The following PPP4R3B variants were observed in gnomAD, a reference collection of about 807,000 sequenced individuals.
PPP4R3B encodes the protein protein phosphatase 4 regulatory subunit 3B, also known as serine/threonine-protein phosphatase 4 regulatory subunit 3B.
PPP4R3B carries 52 observed loss-of-function variants against 95.4 expected under a neutral mutation model. The observed-to-expected ratio is 0.54, with a 90% CI of 0.44 to 0.69. The LOEUF (loss-of-function observed/expected upper bound fraction) is 0.69. Ranked by LOEUF, PPP4R3B falls within the 30% of genes least tolerant of loss-of-function variation. PPP4R3B has a pLI of 0.00. For synonymous variants in PPP4R3B, 407 were observed against 343.9 expected (o/e 1.18, Z -2.03); for missense variants, 1,003 against 1,005.9 (o/e 1.00, Z 0.04).
intron 3 of PPP4R3B, among the ~76,000 whole-genome samples, chr2:55,601,282 C>T (rs1427794980): frequency 6.6e-6 from 1 of 152,094 alleles, no homozygotes; most frequent in East Asian, 1.9e-4. Context: ...CTCTTAAAAC[C>T]TGACAAGGTC....
intron 4 of PPP4R3B, among the ~76,000 whole-genome samples, chr2:55,596,245 C>T (rs901332745): frequency 6.6e-6 from 1 of 152,094 alleles, no homozygotes; most frequent in Non-Finnish European, 1.5e-5. Flanking sequence ...CGAAGCAAAT[C>T]TGACTTTCAA....
intron 16 of PPP4R3B, among the ~76,000 whole-genome samples, chr2:55,553,568 C>T (rs576556573): frequency 1.5e-4 from 23 of 152,242 alleles, no homozygotes; most frequent in Admixed American, 1.2e-3. Flanking sequence ...ACCATTTCAC[C>T]CACCAAAAAA....
intron 4 of PPP4R3B, among the ~76,000 whole-genome samples, chr2:55,595,600 TA>T (rs2104412949): frequency 6.6e-6 from 1 of 152,160 alleles, no homozygotes; most frequent in East Asian, 1.9e-4. Flanking sequence ...ATCCAAAATT[TA>T]AACTTTTATA....
chr2:55,612,945 CAAA>C (rs558897062), intron 2 of PPP4R3B, among the ~76,000 whole-genome samples: 3 of 121,056 alleles, frequency 2.5e-5, no homozygotes, highest in African/African-American at 3.2e-5. Context: ...GACTCCATCT[CAAA>C]AAAAAAAAAA....
intron 15 of PPP4R3B, among the ~76,000 whole-genome samples, chr2:55,562,546 G>A (rs138458041): frequency 6.6e-6 from 1 of 152,144 alleles, no homozygotes; most frequent in Non-Finnish European, 1.5e-5. Flanking sequence ...TAAGGTTCTC[G>A]AAGCCTTTCA....
chr2:55,576,499 T>G (rs190030595), intron 11 of PPP4R3B, among the ~76,000 whole-genome samples: 1 of 151,658 alleles, frequency 6.6e-6, no homozygotes, highest in East Asian at 1.9e-4. Context: ...TCCCAGCACT[T>G]TGGGAGGCCG....
At chr2:55,586,365 T>C (rs552266457) in intron 6 of PPP4R3B, among the ~76,000 whole-genome samples, 2 of 152,284 alleles carry the variant, frequency 1.3e-5, no homozygotes, top group East Asian at 1.9e-4. Flanking sequence ...ACACTTAATA[T>C]TGTTACAGAA....
chr2:55,555,047 G>A (rs1286618767), intron 16 of PPP4R3B, among the ~76,000 whole-genome samples: 4 of 152,080 alleles, frequency 2.6e-5, no homozygotes, highest in South Asian at 2.1e-4. Context: ...TTGGGAGGCC[G>A]AGGCAGGCAG....
chr2:55,553,117 C>G (rs564565626), intron 16 of PPP4R3B, among the ~76,000 whole-genome samples: 1 of 152,230 alleles, frequency 6.6e-6, no homozygotes, highest in East Asian at 1.9e-4. Context: ...AGAATAAATT[C>G]TATAGAGAAT....
rs755332412 is a variant in PPP4R3B at position 55,564,430 on chromosome 2, T to C, written c.2143A>G (p.Met715Val). Residue 715 changes from methionine to valine, a missense_variant, in exon 15 of 17, where the codon ATG becomes GTG. Met to Val is a conservative substitution (Grantham distance 21, BLOSUM62 1). Around this residue, in one of 3 missense-constraint regions of PPP4R3B, gnomAD observed 229 missense variants for 194.7 expected, o/e 1.18. Coordinates refer to ENST00000616407, the MANE Select transcript of PPP4R3B (RefSeq NM_001122964.3). ...DAKALEEDEE[M>V]WFNEDEEEEG... ...TCTTCTTCATCTTCATTAAACCACA[T>C]TTCTTCATCCTCTTCCAAGGCTTTT... The C allele has an allele frequency of 5.0e-6, 8 of 1,613,766 alleles. No individual in the cohort carries two copies. The highest frequency in any genetic ancestry group is 4.5e-5 in the East Asian group (2 of 44,802).
intron 7 of PPP4R3B, among the ~76,000 whole-genome samples, 184 bp from the exon 8 acceptor site, chr2:55,581,882 T>C (rs1689489781): frequency 7.1e-6 from 1 of 140,964 alleles, no homozygotes; most frequent in Admixed American, 7.1e-5. Flanking sequence ...CACACTAGAG[T>C]GAAAAAAAAT....
intron 16 of PPP4R3B, among the ~76,000 whole-genome samples, chr2:55,558,306 G>T (rs1255159011): frequency 6.6e-6 from 1 of 152,146 alleles, no homozygotes; most frequent in African/African-American, 2.4e-5. Flanking sequence ...ATAGAATGGG[G>T]GACAGGGAGG....
chr2:55,608,616 T>C (rs969710358), intron 2 of PPP4R3B, among the ~76,000 whole-genome samples: 1 of 152,198 alleles, frequency 6.6e-6, no homozygotes, highest in Non-Finnish European at 1.5e-5. Context: ...TTCTCTTCAA[T>C]TCCACAGATT....
At chr2:55,585,680 G>C (rs1690041728) in intron 6 of PPP4R3B, among the ~76,000 whole-genome samples, 1 of 152,214 alleles carries the variant, frequency 6.6e-6, no homozygotes, top group Admixed American at 6.5e-5. Flanking sequence ...AGTTTTCTAA[G>C]ATGGTAATCC....
At chr2:55,603,081 T>A (rs1692858875) in intron 3 of PPP4R3B, among the ~76,000 whole-genome samples, 1 of 152,060 alleles carries the variant, frequency 6.6e-6, no homozygotes, top group African/African-American at 2.4e-5. Context: ...GCCACCCTAG[T>A]GGCTGGGACT....
intron 2 of PPP4R3B, among the ~76,000 whole-genome samples, chr2:55,611,799 G>A (rs940346878): frequency 6.6e-6 from 1 of 152,026 alleles, no homozygotes; most frequent in African/African-American, 2.4e-5. Context: ...TACAATCATG[G>A]CTTACTACAG....
intron 5 of PPP4R3B, among the ~76,000 whole-genome samples, chr2:55,588,181 T>C (rs1420667627): frequency 6.6e-6 from 1 of 152,182 alleles, no homozygotes; most frequent in Non-Finnish European, 1.5e-5. Flanking sequence ...ATTTATATCA[T>C]TTATTCAGGA....
chr2:55,561,607 C>T (rs2103892219), intron 15 of PPP4R3B, among the ~76,000 whole-genome samples: 1 of 152,370 alleles, frequency 6.6e-6, no homozygotes, highest in Admixed American at 6.5e-5. Context: ...TGGGAGCCTA[C>T]CTGTTGTATC....
intron 11 of PPP4R3B, 78 bp from the exon 12 acceptor site, chr2:55,573,855 T>C: frequency 3.9e-6 from 4 of 1,028,208 alleles, no homozygotes; most frequent in Non-Finnish European, 2.7e-6. Context: ...ACATCCTATA[T>C]GTTATAACAA....
Sources: gnomAD v4.1 joint callset for allele counts (sites outside exome capture counted in the v4.1 genomes callset) on GRCh38, gnomAD v4.1.1 for gene constraint, gnomAD v4.1.1 regional missense constraint, MANE v1.5 for transcripts, NCBI Gene and HGNC (gene_info 2026-07-23, HGNC 2026-07-21) for gene names.